The following CCDC7 variants were observed in gnomAD, a reference collection of about 807,000 sequenced individuals.
The protein encoded by CCDC7 is coiled-coil domain-containing protein 7.
A neutral mutation model predicts 196.9 loss-of-function variants in CCDC7; 183 were observed. The observed-to-expected ratio is 0.93, with a 90% CI of 0.82 to 1.05. CCDC7 has a LOEUF of 1.05. CCDC7 is among the 50% of genes least tolerant of loss of function. The probability of loss-of-function intolerance (pLI) is 0.00; values close to 1 mark genes in which losing one functional copy is unlikely to be tolerated. For synonymous variants in CCDC7, 525 were observed against 484.6 expected (o/e 1.08, Z -1.10); for missense variants, 1,540 against 1,482.2 (o/e 1.04, Z -0.64).
At chr10:32,710,347 A>G (rs2080617352) in intron 24 of CCDC7, among the ~76,000 whole-genome samples, 1 of 152,228 alleles carries the variant, frequency 6.6e-6, no homozygotes, top group Non-Finnish European at 1.5e-5. Flanking sequence ...CCTCTTTAGA[A>G]CTAAGAGCTG....
At position 32,801,651 on chromosome 10, in the gene CCDC7, G is replaced by C. The variant is rs150861013; in HGVS notation, c.3014-3364G>C. ...AACCTCAACTCCAGGGGTCTGCCAGGACTTCAGCCTAATTATAGGTCTAGA... is the reference window on the plus strand; with the variant it reads ...AACCTCAACTCCAGGGGTCTGCCAGCACTTCAGCCTAATTATAGGTCTAGA... On this transcript the variant is annotated intron_variant, in intron 29 of 41. Coordinates refer to ENST00000639629, the Ensembl canonical transcript of CCDC7. 5.9e-3 allele frequency among the ~76,000 whole-genome samples: 906 copies of C among 152,276 alleles called. 10 individuals are homozygous for C. Among genetic ancestry groups the C allele is most frequent in the African/African-American group, 0.021 (864 of 41,536 alleles).
intron 13 of CCDC7, among the ~76,000 whole-genome samples, chr10:32,561,746 A>G (rs1341562450): frequency 1.1e-3 from 159 of 140,164 alleles, no homozygotes; most frequent in South Asian, 1.8e-3. Context: ...AAGAACTAGA[A>G]AAGCAAGAGC....
rs559507380 is a variant in CCDC7 at position 32,601,949 on chromosome 10, G to A, written c.1801+17645G>A. Among the ~76,000 whole-genome samples, 7 of 152,280 alleles carry A rather than the reference G, an allele frequency of 4.6e-5. No homozygotes were observed. The East Asian group carries it at 9.7e-4, about 21-fold the overall frequency. On this transcript the variant is annotated intron_variant, in intron 18 of 41. Transcript: ENST00000639629. ...ATGGATCAATCAACAGGATGTGGGC[G>A]GGGCCAAATAAGGGAATAAAAGCTG...
intron 28 of CCDC7, among the ~76,000 whole-genome samples, chr10:32,733,651 C>T (rs1262335985): frequency 6.6e-6 from 1 of 151,836 alleles, no homozygotes; most frequent in Non-Finnish European, 1.5e-5. Context: ...TTACTTTTTT[C>T]ATTGAGGTTT....
chr10:32,577,041 C>G (rs985111966), intron 16 of CCDC7, among the ~76,000 whole-genome samples: 15 of 152,038 alleles, frequency 9.9e-5, no homozygotes, highest in African/African-American at 3.6e-4. Context: ...TTTCCTTGGG[C>G]AAATGTTACC....
At chr10:32,811,921 A>G (rs2087229797) in intron 30 of CCDC7, among the ~76,000 whole-genome samples, 1 of 152,136 alleles carries the variant, frequency 6.6e-6, no homozygotes, top group Admixed American at 6.5e-5. Flanking sequence ...TAACATATAC[A>G]AATCAATAAA....
intron 41 of CCDC7, among the ~76,000 whole-genome samples, chr10:32,859,629 GT>G (rs1343304156): frequency 6.6e-6 from 1 of 152,124 alleles, no homozygotes; most frequent in Admixed American, 6.6e-5. Flanking sequence ...TCCAGAGTTG[GT>G]TTTCTTGAAA....
At chr10:32,729,083 A>G (rs2083534457) in intron 27 of CCDC7, 86 bp downstream of exon 28, 1 of 970,000 alleles carries the variant, frequency 1.0e-6, no homozygotes, top group African/African-American at 1.7e-5. Flanking sequence ...TGTGTACTTC[A>G]GACTATATTT....
intron 33 of CCDC7, among the ~76,000 whole-genome samples, chr10:32,839,131 C>G (rs1174301122): frequency 6.6e-6 from 1 of 151,876 alleles, no homozygotes; most frequent in Admixed American, 6.6e-5. Flanking sequence ...AATAGTACCT[C>G]ACATCTCAAT....
At position 32,796,168 on chromosome 10, in the gene CCDC7, T is replaced by C. The variant is rs188862815; in HGVS notation, c.3014-8847T>C. Among the ~76,000 whole-genome samples the C allele has an allele frequency of 3.4e-3, 513 of 152,258 alleles. 5 individuals are homozygous for C. The highest frequency in any genetic ancestry group is 0.012 in the African/African-American group (486 of 41,558). ...ACAAGTCGCTGTCTGCTTTGAGTTT[T>C]TGTTGCTTCTCTGTGGTCCTAAAAA... On this transcript the variant is annotated intron_variant, in intron 29 of 41. Transcript: ENST00000639629.
intron 33 of CCDC7, among the ~76,000 whole-genome samples, chr10:32,842,777 A>G (rs920831957): frequency 1.3e-5 from 2 of 152,116 alleles, no homozygotes; most frequent in Admixed American, 6.6e-5. Flanking sequence ...AAGGAACAAA[A>G]TAATGGCATT....
intron 18 of CCDC7, among the ~76,000 whole-genome samples, chr10:32,600,592 CTTAATT>C (rs1410411505): frequency 1.3e-5 from 2 of 152,098 alleles, no homozygotes; most frequent in Non-Finnish European, 2.9e-5. Flanking sequence ...ACTTCCCCAA[CTTAATT>C]TTAATAGCCT....
At chr10:32,750,916 A>C (rs542515335) in intron 28 of CCDC7, among the ~76,000 whole-genome samples, 2 of 152,322 alleles carry the variant, frequency 1.3e-5, no homozygotes, top group Admixed American at 1.3e-4. Context: ...TTTGTAACCT[A>C]CAACATTCAT....
intron 18 of CCDC7, among the ~76,000 whole-genome samples, chr10:32,621,538 T>C (rs1355248754): frequency 6.6e-6 from 1 of 152,178 alleles, no homozygotes; most frequent in Non-Finnish European, 1.5e-5. Context: ...CACATGATAA[T>C]GGATGCTGAG....
At chr10:32,482,195 TAAAA>T (rs74321069) in intron 8 of CCDC7, among the ~76,000 whole-genome samples, 51,930 of 151,266 alleles carry the variant, frequency 0.34, 11,238 homozygotes, top group Non-Finnish European at 0.49. Flanking sequence ...TTTTCAGAAT[TAAAA>T]AATTTAAATT....
At chr10:32,552,785 T>G (rs1055376043) in intron 13 of CCDC7, among the ~76,000 whole-genome samples, 4 of 152,200 alleles carry the variant, frequency 2.6e-5, no homozygotes, top group African/African-American at 4.8e-5. Context: ...TGCTGAGAAA[T>G]CTGCTGTTAA....
chr10:32,779,079 T>C, exon 29 of CCDC7: 1 of 1,542,960 alleles, frequency 6.5e-7, no homozygotes, highest in Non-Finnish European at 8.8e-7. Context: ...TTAAACAAAG[T>C]GGTCGGTAAG....
intron 31 of CCDC7, among the ~76,000 whole-genome samples, chr10:32,818,005 A>G (rs1199597849): frequency 2.0e-5 from 3 of 152,220 alleles, no homozygotes; most frequent in African/African-American, 7.2e-5. Context: ...CTTAAATGTA[A>G]ATAGGCTAAA....
At chr10:32,671,460 G>A (rs2074045632) in intron 21 of CCDC7, among the ~76,000 whole-genome samples, 1 of 152,070 alleles carries the variant, frequency 6.6e-6, no homozygotes, top group Admixed American at 6.6e-5. Flanking sequence ...TGATAAAATT[G>A]CCTAATGACA....
Sources: allele counts gnomAD v4.1 joint callset (sites outside exome capture counted in the v4.1 genomes callset), GRCh38; gene constraint gnomAD v4.1.1; transcripts MANE v1.5; gene names NCBI Gene and HGNC (gene_info 2026-07-23, HGNC 2026-07-21).